The following FBXO36 variants were observed in gnomAD, a reference collection of about 807,000 sequenced individuals.
The protein encoded by FBXO36 is F-box only protein 36.
A neutral mutation model predicts 17.0 loss-of-function variants in FBXO36; 18 were observed. That is an observed-to-expected ratio of 1.06 (90% CI 0.73 to 1.57). FBXO36 has a LOEUF of 1.57. FBXO36 is among the 40% of genes most tolerant of loss of function. The probability of loss-of-function intolerance (pLI) is 0.00; values close to 1 mark genes in which losing one functional copy is unlikely to be tolerated. For synonymous variants in FBXO36, 83 were observed against 85.3 expected (o/e 0.97, Z 0.15); for missense variants, 229 against 221.9 (o/e 1.03, Z -0.20).
intron 1 of FBXO36, among the ~76,000 whole-genome samples, chr2:229,972,444 A>G (rs913068741): frequency 6.6e-6 from 1 of 152,142 alleles, no homozygotes; most frequent in Non-Finnish European, 1.5e-5. Flanking sequence ...ACTATTAGAC[A>G]GCTGATGAAA....
chr2:229,973,719 CAAAA>C (rs61291521), intron 1 of FBXO36, among the ~76,000 whole-genome samples: 3 of 130,216 alleles, frequency 2.3e-5, no homozygotes. Context: ...GACTCCATCT[CAAAA>C]AAAAAAAAAA....
At chr2:229,952,521 T>C (rs2077062269) in intron 1 of FBXO36, among the ~76,000 whole-genome samples, 1 of 152,172 alleles carries the variant, frequency 6.6e-6, no homozygotes, top group Admixed American at 6.5e-5. Context: ...TTCAATCAAG[T>C]TGGGGAGTGA....
chr2:229,932,956 A>G (rs2076946804), intron 1 of FBXO36: 1 of 206,434 alleles, frequency 4.8e-6, no homozygotes, highest in Non-Finnish European at 1.0e-5. Context: ...AATCCCAGCT[A>G]CTCAGGAGGC....
intron 1 of FBXO36, among the ~76,000 whole-genome samples, chr2:229,948,505 C>T (rs2077038960): frequency 7.9e-6 from 1 of 126,700 alleles, no homozygotes; most frequent in South Asian, 2.8e-4. Context: ...TAGCCGAACA[C>T]TTGGGCTTTA....
At chr2:230,010,130 G>A (rs1020629947) in intron 3 of FBXO36, among the ~76,000 whole-genome samples, 10 of 151,716 alleles carry the variant, frequency 6.6e-5, no homozygotes, top group Non-Finnish European at 1.2e-4. Context: ...GTGTGGTGGC[G>A]CATGCCTGTA....
chr2:230,003,730 C>T (rs778179977), intron 3 of FBXO36, among the ~76,000 whole-genome samples: 9 of 152,150 alleles, frequency 5.9e-5, no homozygotes, highest in Non-Finnish European at 8.8e-5. Context: ...GACAGGGTTT[C>T]GCCATGTTGG....
intron 1 of FBXO36, among the ~76,000 whole-genome samples, chr2:229,958,621 G>A (rs1332222920): frequency 6.6e-6 from 1 of 152,180 alleles, no homozygotes; most frequent in East Asian, 1.9e-4. Flanking sequence ...CAGACACCTT[G>A]AGTGTTTTGG....
At chr2:230,010,633 A>C in intron 3 of FBXO36, 63 bp from the exon 4 acceptor site, 9 of 1,448,962 alleles carry the variant, frequency 6.2e-6, no homozygotes, top group East Asian at 2.3e-5. Context: ...ACAGGCAGCA[A>C]GAGTTTGATA....
chr2:229,977,531 A>G (rs952234560), intron 2 of FBXO36, among the ~76,000 whole-genome samples: 1 of 152,062 alleles, frequency 6.6e-6, no homozygotes, highest in Admixed American at 6.6e-5. Flanking sequence ...GCTCACTGCA[A>G]CCTCTACCTC....
intron 1 of FBXO36, among the ~76,000 whole-genome samples, chr2:229,932,133 G>T (rs2076941845): frequency 6.6e-6 from 1 of 152,010 alleles, no homozygotes; most frequent in African/African-American, 2.4e-5. Flanking sequence ...TGTAATCCCA[G>T]CACTTCAGGA....
At chr2:229,932,982 G>A (rs549806022) in intron 1 of FBXO36, 2 of 182,168 alleles carry the variant, frequency 1.1e-5, no homozygotes, top group East Asian at 3.6e-4. Context: ...TAGAAGAATC[G>A]CTTGAAACCA....
intron 1 of FBXO36, among the ~76,000 whole-genome samples, chr2:229,944,492 TATTAGTACCCAAAAGTGTAG>T (rs1341299800): frequency 8.5e-5 from 13 of 152,226 alleles, no homozygotes; most frequent in Non-Finnish European, 2.9e-5. Context: ...AAAATTCTTT[TATTAGTACCCAAAAGTGTAG>T]ACTTTGTTAT....
intron 1 of FBXO36, among the ~76,000 whole-genome samples, chr2:229,925,779 T>C (rs1209756477): frequency 6.6e-6 from 1 of 152,220 alleles, no homozygotes; most frequent in African/African-American, 2.4e-5. Context: ...AACATTTTCT[T>C]TGTTTATATA....
At chr2:229,972,038 G>A (rs1444493633) in intron 1 of FBXO36, among the ~76,000 whole-genome samples, 2 of 132,224 alleles carry the variant, frequency 1.5e-5, no homozygotes, top group East Asian at 2.3e-4. Flanking sequence ...TCTTGTCCCC[G>A]GCTGGAGTGC....
At chr2:229,974,350 GGCC>G (rs1213620028) in intron 1 of FBXO36, among the ~76,000 whole-genome samples, 1 of 152,144 alleles carries the variant, frequency 6.6e-6, no homozygotes, top group Non-Finnish European at 1.5e-5. Flanking sequence ...ACCTCGGAAG[GGCC>G]AGTGGGAAGC....
chr2:229,990,511 AAATACGTT>A (rs2077292981), intron 2 of FBXO36, among the ~76,000 whole-genome samples: 1 of 152,142 alleles, frequency 6.6e-6, no homozygotes, highest in South Asian at 2.1e-4. Flanking sequence ...TTATCTAAAA[AAATACGTT>A]AATATGGCAA....
At chr2:229,998,702 A>G (rs1190028753) in intron 3 of FBXO36, among the ~76,000 whole-genome samples, 2 of 151,536 alleles carry the variant, frequency 1.3e-5, no homozygotes, top group African/African-American at 4.9e-5. Context: ...GAATAGGAGG[A>G]TCACTTGAGC....
intron 2 of FBXO36, among the ~76,000 whole-genome samples, chr2:229,981,685 G>A (rs1208045118): frequency 1.8e-5 from 2 of 113,082 alleles, no homozygotes; most frequent in Non-Finnish European, 3.3e-5. Context: ...CTGGGTGACA[G>A]AATGAGACCC....
intron 1 of FBXO36, among the ~76,000 whole-genome samples, chr2:229,948,027 G>C (rs941265351): frequency 6.6e-6 from 1 of 152,140 alleles, no homozygotes; most frequent in African/African-American, 2.4e-5. Flanking sequence ...GGCTGGGTGT[G>C]GTGGCTCACG....
Sources: allele counts gnomAD v4.1 joint callset (sites outside exome capture counted in the v4.1 genomes callset), GRCh38; gene constraint gnomAD v4.1.1; transcripts MANE v1.5; gene names NCBI Gene and HGNC (gene_info 2026-07-23, HGNC 2026-07-21).